PKP4: variants seen among roughly 807,000 people sequenced by gnomAD.
PKP4 encodes plakophilin 4.
A neutral mutation model predicts 145.1 loss-of-function variants in PKP4; 90 were observed. The observed-to-expected ratio is 0.62, with a 90% CI of 0.52 to 0.74. The LOEUF (loss-of-function observed/expected upper bound fraction) is 0.74. Ranked by LOEUF, PKP4 falls within the 30% of genes least tolerant of loss-of-function variation. The pLI is 0.00. For synonymous variants in PKP4, 563 were observed against 577.2 expected (o/e 0.98, Z 0.35); for missense variants, 1,340 against 1,482.7 (o/e 0.90, Z 1.58).
chr2:158,615,276 C>T (rs1267793759), intron 4 of PKP4, among the ~76,000 whole-genome samples: 2 of 151,870 alleles, frequency 1.3e-5, no homozygotes, highest in East Asian at 3.9e-4. Flanking sequence ...TTGTATTTTC[C>T]ATAAGCTGAC....
intron 7 of PKP4, among the ~76,000 whole-genome samples, chr2:158,625,920 C>T (rs1167736206): frequency 2.0e-5 from 3 of 152,062 alleles, no homozygotes; most frequent in East Asian, 3.9e-4. Flanking sequence ...GGCATTTTAA[C>T]GGTAAATGCA....
intron 7 of PKP4, among the ~76,000 whole-genome samples, chr2:158,626,378 A>AT (rs1248534296): frequency 6.6e-6 from 1 of 152,120 alleles, no homozygotes; most frequent in African/African-American, 2.4e-5. Flanking sequence ...CATGGGACCC[A>AT]TTTTTTATAG....
chr2:158,534,854 G>T (rs921276115), intron 2 of PKP4, among the ~76,000 whole-genome samples: 4 of 152,110 alleles, frequency 2.6e-5, no homozygotes, highest in Admixed American at 2.6e-4. Context: ...TAAGTATTTT[G>T]TGGGAAGTGC....
intron 4 of PKP4, among the ~76,000 whole-genome samples, chr2:158,608,642 C>T (rs2050846967): frequency 6.6e-6 from 1 of 151,998 alleles, no homozygotes; most frequent in African/African-American, 2.4e-5. Context: ...CTGGTATTTA[C>T]TTTCTAATAT....
chr2:158,628,050 G>T (rs548261513), intron 7 of PKP4, among the ~76,000 whole-genome samples: 1 of 151,292 alleles, frequency 6.6e-6, no homozygotes, highest in African/African-American at 2.4e-5. Flanking sequence ...GCACGCTCTC[G>T]GCTCACTGCA....
In PKP4 at chr2:158,471,953, AT is replaced by A. The variant is rs1476130788; in HGVS notation, c.-6+14737del. On this transcript the variant is annotated intron_variant, in intron 1 of 21. Transcript: ENST00000389759. ...TCTGAAAGGTATAGAGTAAAAATGCATTCTTCCTCAGCTCTTTTTCTGTACC... is the reference window on the plus strand; with the variant it reads ...TCTGAAAGGTATAGAGTAAAAATGCATCTTCCTCAGCTCTTTTTCTGTACC... Among the ~76,000 whole-genome samples the A allele has an allele frequency of 4.5e-4, 69 of 152,234 alleles. 1 individual carries two copies. The highest frequency in any genetic ancestry group is 2.3e-3 in the Admixed American group (35 of 15,282).
chr2:158,626,228 C>T (rs1039786730), intron 7 of PKP4, among the ~76,000 whole-genome samples: 2 of 152,190 alleles, frequency 1.3e-5, no homozygotes, highest in Non-Finnish European at 2.9e-5. Flanking sequence ...TGTTTCTTTG[C>T]ATTTACAAAT....
intron 4 of PKP4, among the ~76,000 whole-genome samples, chr2:158,605,244 T>C (rs1457447065): frequency 6.6e-6 from 1 of 152,180 alleles, no homozygotes; most frequent in Admixed American, 6.5e-5. Flanking sequence ...TATATTAGCT[T>C]CACAGCCAAA....
intron 1 of PKP4, among the ~76,000 whole-genome samples, chr2:158,529,551 A>G (rs1007791229): frequency 6.6e-6 from 1 of 152,184 alleles, no homozygotes; most frequent in Non-Finnish European, 1.5e-5. Context: ...TGCTGCCCTT[A>G]TCTGGAAGTA....
At chr2:158,637,245 AC>A (rs1242121655) in intron 9 of PKP4, among the ~76,000 whole-genome samples, 2 of 152,052 alleles carry the variant, frequency 1.3e-5, no homozygotes, top group African/African-American at 4.8e-5. Context: ...CATGATCCTT[AC>A]CCCTAAAACT....
intron 20 of PKP4, 104 bp downstream of exon 20, chr2:158,676,971 C>A (rs755800219): frequency 2.3e-6 from 3 of 1,328,628 alleles, no homozygotes; most frequent in East Asian, 2.3e-5. Flanking sequence ...TGAGACAGTC[C>A]CCCAGCAGCA....
chr2:158,480,417 A>G (rs936606056), intron 1 of PKP4, among the ~76,000 whole-genome samples: 1 of 151,930 alleles, frequency 6.6e-6, no homozygotes, highest in African/African-American at 2.4e-5. Context: ...TTGTATTTTT[A>G]GTAGAGACAA....
chr2:158,531,923 C>A (rs879687228), intron 1 of PKP4, among the ~76,000 whole-genome samples: 2 of 152,180 alleles, frequency 1.3e-5, no homozygotes, highest in Non-Finnish European at 2.9e-5. Context: ...TCCATTTATG[C>A]CTATTAATAT....
rs553637624 is a variant in PKP4 at position 158,657,698 on chromosome 2, A to G, written c.1910-433A>G. Among the ~76,000 whole-genome samples, 5 of 152,366 alleles carry G rather than the reference A, an allele frequency of 3.3e-5. No homozygotes were observed. The South Asian group carries it at 1.0e-3, about 32-fold the overall frequency. ...TTCAAGAAAAAGAAATATTTTTCCA[A>G]GTACTAAATTCTAAAAATGGTTTGT... On this transcript the variant is annotated intron_variant, in intron 11 of 21. Coordinates refer to ENST00000389759, the MANE Select transcript of PKP4 (RefSeq NM_003628.6).
chr2:158,547,972 A>G (rs1309520964), intron 2 of PKP4, among the ~76,000 whole-genome samples: 1 of 152,244 alleles, frequency 6.6e-6, no homozygotes, highest in Non-Finnish European at 1.5e-5. Flanking sequence ...AAGCTGTTGG[A>G]TATAAAAATT....
intron 3 of PKP4, among the ~76,000 whole-genome samples, chr2:158,588,646 T>C (rs897288317): frequency 2.0e-5 from 3 of 152,176 alleles, no homozygotes; most frequent in African/African-American, 7.2e-5. Context: ...ATTTTAAGAA[T>C]ATGAACATTA....
At chr2:158,584,838 A>G (rs1212252927) in intron 3 of PKP4, among the ~76,000 whole-genome samples, 1 of 152,108 alleles carries the variant, frequency 6.6e-6, no homozygotes, top group African/African-American at 2.4e-5. Flanking sequence ...TTTCCCAGAA[A>G]CTCATCTTGG....
At chr2:158,570,042 G>A (rs953177809) in intron 2 of PKP4, among the ~76,000 whole-genome samples, 7 of 152,164 alleles carry the variant, frequency 4.6e-5, no homozygotes, top group African/African-American at 1.7e-4. Flanking sequence ...CATATGCCCA[G>A]CATTTCTATA....
intron 1 of PKP4, among the ~76,000 whole-genome samples, chr2:158,516,641 C>T (rs1279516075): frequency 6.6e-6 from 1 of 151,134 alleles, no homozygotes; most frequent in Non-Finnish European, 1.5e-5. Context: ...AGCAAGTACA[C>T]TGGATTATAT....
Sources: gnomAD v4.1 joint callset for allele counts (sites outside exome capture counted in the v4.1 genomes callset) on GRCh38, gnomAD v4.1.1 for gene constraint, MANE v1.5 for transcripts, NCBI Gene and HGNC (gene_info 2026-07-23, HGNC 2026-07-21) for gene names.